Variants in ERBIN observed in about 807,000 individuals in gnomAD.
ERBIN encodes erbb2 interacting protein.
ERBIN carries 60 observed loss-of-function variants against 158.4 expected under a neutral mutation model. The observed-to-expected ratio is 0.38, with a 90% CI of 0.31 to 0.47. ERBIN has a LOEUF of 0.47. Ranked by LOEUF, ERBIN falls within the 20% of genes least tolerant of loss-of-function variation. ERBIN has a pLI of 0.99. For missense variants in ERBIN, 1,610 were observed against 1,648.0 expected, an observed-to-expected ratio of 0.98 and a Z score of 0.40; for synonymous variants, 594 against 557.2, an observed-to-expected ratio of 1.07 and a Z score of -0.93.
At chr5:65,949,193 T>G (rs1237115722) in intron 1 of ERBIN, among the ~76,000 whole-genome samples, 1 of 152,172 alleles carries the variant, frequency 6.6e-6, no homozygotes, top group Non-Finnish European at 1.5e-5. Flanking sequence ...GATATTATTA[T>G]AAAGTTTATA....
chr5:66,035,435 T>C (rs1355835554), intron 14 of ERBIN, among the ~76,000 whole-genome samples: 2 of 152,218 alleles, frequency 1.3e-5, no homozygotes, highest in East Asian at 1.9e-4. Context: ...CTACTGTTTT[T>C]CCCTGTACTT....
At chr5:65,958,952 T>G (rs1289533805) in intron 1 of ERBIN, among the ~76,000 whole-genome samples, 2 of 152,220 alleles carry the variant, frequency 1.3e-5, no homozygotes, top group Admixed American at 1.3e-4. Flanking sequence ...ATTTTTTACT[T>G]AAACCTATCA....
At chr5:65,977,381 G>C (rs1481040231) in intron 1 of ERBIN, among the ~76,000 whole-genome samples, 2 of 150,990 alleles carry the variant, frequency 1.3e-5, no homozygotes, top group Admixed American at 6.6e-5. Context: ...CTGGGCGGAG[G>C]GGCTCCTCAC....
chr5:65,997,846 G>A (rs1157288655), intron 4 of ERBIN, among the ~76,000 whole-genome samples: 1 of 152,014 alleles, frequency 6.6e-6, no homozygotes, highest in African/African-American at 2.4e-5. Flanking sequence ...TTACTATGAA[G>A]CATTTTAGGG....
At chr5:66,005,174 C>T (rs1753457420) in intron 4 of ERBIN, among the ~76,000 whole-genome samples, 1 of 151,994 alleles carries the variant, frequency 6.6e-6, no homozygotes, top group African/African-American at 2.4e-5. Flanking sequence ...TAGTGATGGA[C>T]ATAGTGAGAT....
chr5:65,985,154 C>T (rs765243148), intron 1 of ERBIN, among the ~76,000 whole-genome samples: 14 of 152,146 alleles, frequency 9.2e-5, no homozygotes, highest in Non-Finnish European at 1.3e-4. Context: ...AGTGCAGTGG[C>T]GCAATCTTGG....
chr5:66,072,258 T>A lies in ERBIN; in HGVS notation c.3723T>A (p.Ser1241Arg), dbSNP rs938047830. Residue 1241 changes from serine (S) to arginine (R), a missense_variant, in exon 22 of 26, where the codon AGT becomes AGA. Ser to Arg is a moderately radical substitution (Grantham distance 110). Around this residue, in one of 2 missense-constraint regions of ERBIN, gnomAD observed 1,014 missense variants for 936.1 expected, o/e 1.08. Transcript: ENST00000284037. ...GQQNYSSATL[S>R]HKDVPPDSLM... Reference sequence around the variant, plus strand: ...AGAACTACTCATCAGCCACACTTAGTCACAAAGATGTTCCTCCAGACAGCT... The same window carrying A: ...AGAACTACTCATCAGCCACACTTAGACACAAAGATGTTCCTCCAGACAGCT... 7.8e-5 allele frequency: 121 copies of A among 1,550,310 alleles called. No homozygotes were observed. Among genetic ancestry groups the A allele is most frequent in the Non-Finnish European group, 1.0e-4 (119 of 1,146,930 alleles).
intron 4 of ERBIN, among the ~76,000 whole-genome samples, chr5:66,011,318 T>C (rs1185383453): frequency 3.9e-5 from 6 of 152,244 alleles, no homozygotes; most frequent in Non-Finnish European, 5.9e-5. Context: ...ACTGTCTTCC[T>C]CTTCTATCTG....
Position 65,992,915 on chromosome 5 carries a change from A to T in ERBIN, c.189+8A>T. 3.9e-6 allele frequency: 6 copies of T among 1,535,516 alleles called. No individual in the cohort carries two copies. Among genetic ancestry groups the T allele is most frequent in the Admixed American group, 4.4e-5 (2 of 45,706 alleles). ...ATTGAAGAGCTTCCAAAGGTATGCT[A>T]ATACTTTCTTTCAAGAATTATCTTT... is the stretch of plus-strand genomic sequence containing the variant. On this transcript the variant is annotated splice_region_variant and intron_variant, in intron 3 of 25. Transcript: ENST00000284037.
intron 13 of ERBIN, 56 bp from the exon 14 acceptor site, chr5:66,028,218 C>A: frequency 7.5e-7 from 1 of 1,341,266 alleles, no homozygotes; most frequent in South Asian, 1.3e-5. Context: ...AACCCTCATT[C>A]ATTTTAAATC....
At position 65,945,829 on chromosome 5, in the gene ERBIN, A is replaced by G. The variant is rs900236077; in HGVS notation, c.-58+19023A>G. On this transcript the variant is annotated intron_variant, in intron 1 of 25. Coordinates refer to ENST00000284037, the MANE Select transcript of ERBIN (RefSeq NM_001253697.2). ...CTATAGATTCCCATACAGTTTTAAG[A>G]ACTACTACTGTGAGGTCTTGTGTAT... 9.2e-5 allele frequency among the ~76,000 whole-genome samples: 14 copies of G among 152,312 alleles called. No homozygotes were observed. The East Asian group carries it at 9.6e-4, about 10-fold the overall frequency.
intron 15 of ERBIN, among the ~76,000 whole-genome samples, chr5:66,042,699 A>G (rs1465351986): frequency 6.6e-6 from 1 of 152,162 alleles, no homozygotes; most frequent in African/African-American, 2.4e-5. Context: ...AACTTAGTAT[A>G]TAATCCATAT....
At chr5:66,016,380 A>G (rs1319358930) in intron 7 of ERBIN, among the ~76,000 whole-genome samples, 1 of 152,166 alleles carries the variant, frequency 6.6e-6, no homozygotes, top group African/African-American at 2.4e-5. Context: ...TAGAGATTCA[A>G]ATTAGACTCT....
At chr5:65,962,543 T>A (rs1037375837) in intron 1 of ERBIN, among the ~76,000 whole-genome samples, 15 of 152,326 alleles carry the variant, frequency 9.8e-5, no homozygotes, top group Admixed American at 8.5e-4. Context: ...AATAATGGTA[T>A]ATTTATATTT....
intron 14 of ERBIN, among the ~76,000 whole-genome samples, chr5:66,036,062 C>T (rs1452009891): frequency 1.3e-5 from 2 of 152,036 alleles, no homozygotes; most frequent in Non-Finnish European, 2.9e-5. Flanking sequence ...GCACTCCAGC[C>T]TCCAGCCTGG....
At chr5:65,983,383 T>C (rs140813342) in intron 1 of ERBIN, among the ~76,000 whole-genome samples, 11 of 152,312 alleles carry the variant, frequency 7.2e-5, no homozygotes, top group African/African-American at 2.2e-4. Context: ...ACACAGCGTT[T>C]ATAATTTTTT....
chr5:65,955,461 C>T (rs1336679405), intron 1 of ERBIN, among the ~76,000 whole-genome samples: 2 of 152,102 alleles, frequency 1.3e-5, no homozygotes, highest in Non-Finnish European at 2.9e-5. Context: ...GAAACCCCAT[C>T]TTTACTAAAA....
intron 1 of ERBIN, among the ~76,000 whole-genome samples, chr5:65,933,646 T>G (rs1019931317): frequency 2.6e-5 from 4 of 152,184 alleles, no homozygotes; most frequent in Admixed American, 6.5e-5. Context: ...CACTTTCTTC[T>G]TGTTTTGGGT....
At chr5:66,076,012 A>G (rs939176175) in intron 23 of ERBIN, 24 of 307,324 alleles carry the variant, frequency 7.8e-5, no homozygotes, top group African/African-American at 5.3e-4. Context: ...GTACTATGTC[A>G]TATAAAATCT....
Sources: gnomAD v4.1 joint callset for allele counts (sites outside exome capture counted in the v4.1 genomes callset) on GRCh38, gnomAD v4.1.1 for gene constraint, gnomAD v4.1.1 regional missense constraint, MANE v1.5 for transcripts, NCBI Gene and HGNC (gene_info 2026-07-23, HGNC 2026-07-21) for gene names.